The following HEMK2 variants were observed in gnomAD, a reference collection of about 807,000 sequenced individuals.
HEMK2 encodes HemK methyltransferase 2, ETF1 glutamine and histone H4 lysine.
chr21:28,684,912 A>G, the HEMK2 span, among the ~76,000 whole-genome samples: 2 of 152,222 alleles, frequency 1.3e-5, no homozygotes, highest in African/African-American at 4.8e-5. Flanking sequence ...AAAGTAAACA[A>G]AGTCAGACAC....
the HEMK2 span, among the ~76,000 whole-genome samples, chr21:28,767,729 G>C: frequency 6.6e-6 from 1 of 152,068 alleles, no homozygotes; most frequent in Admixed American, 6.6e-5. Context: ...ACACATAACA[G>C]TTGATGTGCC....
chr21:28,639,512 A>G, the HEMK2 span, among the ~76,000 whole-genome samples: 2 of 152,260 alleles, frequency 1.3e-5, no homozygotes, highest in Non-Finnish European at 2.9e-5. Flanking sequence ...ATGATAAAAT[A>G]TATAGTAAAG....
At chr21:28,718,780 A>C in the HEMK2 span, among the ~76,000 whole-genome samples, 2 of 152,200 alleles carry the variant, frequency 1.3e-5, no homozygotes, top group Non-Finnish European at 2.9e-5. Flanking sequence ...GTTTCAAACA[A>C]AGAAAATTGT....
the HEMK2 span, among the ~76,000 whole-genome samples, chr21:28,742,545 A>T: frequency 6.6e-6 from 1 of 152,168 alleles, no homozygotes; most frequent in Non-Finnish European, 1.5e-5. Context: ...TTTCAAGGGG[A>T]GGTTACTGAC....
the HEMK2 span, among the ~76,000 whole-genome samples, chr21:28,800,479 T>A: frequency 6.6e-6 from 1 of 152,188 alleles, no homozygotes; most frequent in African/African-American, 2.4e-5. Context: ...CCCATTATAT[T>A]AAAAGTGTAA....
the HEMK2 span, among the ~76,000 whole-genome samples, chr21:28,863,658 G>T: frequency 6.6e-6 from 1 of 151,406 alleles, no homozygotes; most frequent in Non-Finnish European, 1.5e-5. Flanking sequence ...ATACACAGAG[G>T]GTGGCCAGGT....
chr21:28,802,352 T>G, the HEMK2 span, among the ~76,000 whole-genome samples: 1 of 152,202 alleles, frequency 6.6e-6, no homozygotes, highest in African/African-American at 2.4e-5. Context: ...TTCTTCTCTA[T>G]GCATAAAGAA....
the HEMK2 span, among the ~76,000 whole-genome samples, chr21:28,648,011 T>C: frequency 6.6e-6 from 1 of 152,224 alleles, no homozygotes; most frequent in Non-Finnish European, 1.5e-5. Context: ...AGAGTGTAAT[T>C]ACCAGATTAT....
At chr21:28,872,281 G>A in the HEMK2 span, 6 of 152,208 alleles carry the variant, frequency 3.9e-5, no homozygotes, top group Non-Finnish European at 7.3e-5. Flanking sequence ...CAAATTGAAT[G>A]CCAGGCCACC....
the HEMK2 span, among the ~76,000 whole-genome samples, chr21:28,808,723 C>T: frequency 7.9e-5 from 12 of 151,866 alleles, no homozygotes; most frequent in African/African-American, 1.7e-4. Flanking sequence ...CCTTGTATAC[C>T]GTGATTTTGC....
the HEMK2 span, among the ~76,000 whole-genome samples, chr21:28,866,075 G>T: frequency 6.7e-6 from 1 of 149,620 alleles, no homozygotes; most frequent in African/African-American, 2.5e-5. Flanking sequence ...GGCTAAGGCA[G>T]GGGTGGATCA....
At chr21:28,831,648 AAAGAAAGAAAG>A in the HEMK2 span, among the ~76,000 whole-genome samples, 2 of 28,336 alleles carry the variant, frequency 7.1e-5, no homozygotes, top group Non-Finnish European at 1.2e-4. Flanking sequence ...AGAAAGAAAG[AAAGAAAGAAAG>A]AAAGAAAGAA....
chr21:28,732,745 C>G, the HEMK2 span, among the ~76,000 whole-genome samples: 4 of 152,178 alleles, frequency 2.6e-5, no homozygotes, highest in African/African-American at 9.7e-5. Flanking sequence ...CCCAAATCAT[C>G]TGAGATTCTC....
At chr21:28,710,508 T>C in the HEMK2 span, among the ~76,000 whole-genome samples, 3 of 152,228 alleles carry the variant, frequency 2.0e-5, no homozygotes, top group Non-Finnish European at 4.4e-5. Flanking sequence ...TTTCTCCATA[T>C]GTGTGTGGAC....
the HEMK2 span, among the ~76,000 whole-genome samples, chr21:28,653,380 C>G: frequency 1.1e-4 from 17 of 152,140 alleles, no homozygotes; most frequent in Non-Finnish European, 1.5e-5. Flanking sequence ...CCCATGACCA[C>G]CCACTCTCTC....
At chr21:28,755,743 G>A in the HEMK2 span, among the ~76,000 whole-genome samples, 379 of 152,276 alleles carry the variant, frequency 2.5e-3, no homozygotes, top group Middle Eastern at 6.8e-3. Flanking sequence ...GGTATGAGGC[G>A]ATGAAAATTG....
At chr21:28,804,453 G>T in the HEMK2 span, among the ~76,000 whole-genome samples, 1 of 152,254 alleles carries the variant, frequency 6.6e-6, no homozygotes, top group East Asian at 1.9e-4. Flanking sequence ...TAAATGTTGA[G>T]GCCGGGCACA....
At chr21:28,830,297 G>A in the HEMK2 span, among the ~76,000 whole-genome samples, 15 of 152,196 alleles carry the variant, frequency 9.9e-5, no homozygotes, top group South Asian at 2.3e-3. Context: ...TTGCTCTTGC[G>A]ATAGTAAGTT....
chr21:28,671,874 A>C, the HEMK2 span, among the ~76,000 whole-genome samples: 1 of 152,152 alleles, frequency 6.6e-6, no homozygotes, highest in African/African-American at 2.4e-5. Flanking sequence ...CATAGCACTA[A>C]TATTCACAAT....
Sources: allele counts gnomAD v4.1 joint callset (sites outside exome capture counted in the v4.1 genomes callset), GRCh38; gene constraint gnomAD v4.1.1; transcripts MANE v1.5; gene names NCBI Gene and HGNC (gene_info 2026-07-23, HGNC 2026-07-21).